CNTLN: variants seen among roughly 807,000 people sequenced by gnomAD.
The protein encoded by CNTLN is centlein, centrosomal protein.
CNTLN carries 212 observed loss-of-function variants against 180.0 expected under a neutral mutation model. The ratio of observed to expected loss-of-function variants is 1.18; its 90% CI spans 1.05 to 1.32. The LOEUF (loss-of-function observed/expected upper bound fraction) is 1.32. Ranked by LOEUF, CNTLN falls within the 40% of genes most tolerant of loss-of-function variation. The probability of loss-of-function intolerance (pLI) is 0.00; values close to 1 mark genes in which losing one functional copy is unlikely to be tolerated. For missense variants in CNTLN, 2,095 were observed against 1,610.9 expected (o/e 1.30, Z -5.14); for synonymous variants, 722 against 563.1 (o/e 1.28, Z -3.99).
At chr9:17,338,549 T>C (rs1821233362) in intron 10 of CNTLN, among the ~76,000 whole-genome samples, 1 of 151,806 alleles carries the variant, frequency 6.6e-6, no homozygotes, top group South Asian at 2.1e-4. Flanking sequence ...TTTTCTAGTT[T>C]TTAAGCAATC....
intron 13 of CNTLN, among the ~76,000 whole-genome samples, chr9:17,373,336 A>G (rs918739915): frequency 1.3e-5 from 2 of 152,202 alleles, no homozygotes; most frequent in Non-Finnish European, 2.9e-5. Context: ...CCAACAGCAA[A>G]CAATCTGAAA....
chr9:17,508,974 C>G, the CNTLN span, among the ~76,000 whole-genome samples: 5 of 152,184 alleles, frequency 3.3e-5, no homozygotes, highest in African/African-American at 1.2e-4. Flanking sequence ...CCATGTCATG[C>G]TCACCAAAGG....
intron 5 of CNTLN, among the ~76,000 whole-genome samples, chr9:17,268,720 C>G (rs973809126): frequency 6.6e-6 from 1 of 152,134 alleles, no homozygotes; most frequent in Non-Finnish European, 1.5e-5. Flanking sequence ...GCTTTGTTTA[C>G]CTAATCAAGC....
intron 13 of CNTLN, among the ~76,000 whole-genome samples, chr9:17,384,179 A>G (rs1297830136): frequency 6.6e-6 from 1 of 152,040 alleles, no homozygotes; most frequent in Non-Finnish European, 1.5e-5. Flanking sequence ...AATTCCCCTG[A>G]TTCATCCAGC....
intron 12 of CNTLN, among the ~76,000 whole-genome samples, chr9:17,347,065 T>C (rs1821957033): frequency 6.6e-6 from 1 of 152,186 alleles, no homozygotes; most frequent in Non-Finnish European, 1.5e-5. Context: ...TCCATTGGGT[T>C]CTTCTTTATG....
intron 5 of CNTLN, among the ~76,000 whole-genome samples, chr9:17,243,078 A>G (rs369550334): frequency 6.6e-6 from 1 of 152,268 alleles, no homozygotes; most frequent in East Asian, 1.9e-4. Context: ...GTATGTGTCT[A>G]TGAATTTGTC....
At chr9:17,365,399 T>C (rs987787132) in intron 12 of CNTLN, among the ~76,000 whole-genome samples, 11 of 152,156 alleles carry the variant, frequency 7.2e-5, no homozygotes, top group African/African-American at 2.7e-4. Flanking sequence ...GAACCTCTTT[T>C]CTTTATAAAT....
intron 2 of CNTLN, among the ~76,000 whole-genome samples, chr9:17,154,384 ACAGT>A (rs1384796176): frequency 3.3e-5 from 5 of 152,086 alleles, no homozygotes; most frequent in Admixed American, 6.6e-5. Context: ...TTTCCTTCTG[ACAGT>A]CAGGCCCCTC....
intron 24 of CNTLN, among the ~76,000 whole-genome samples, chr9:17,484,797 A>T (rs1278286990): frequency 6.6e-6 from 1 of 152,094 alleles, no homozygotes; most frequent in Non-Finnish European, 1.5e-5. Flanking sequence ...CAGTATACTT[A>T]ATTAAGCTAG....
At chr9:17,376,017 GC>G (rs1824729228) in intron 13 of CNTLN, among the ~76,000 whole-genome samples, 1 of 152,148 alleles carries the variant, frequency 6.6e-6, no homozygotes, top group African/African-American at 2.4e-5. Context: ...CCTTCACTTG[GC>G]TTTTGTCCCA....
At chr9:17,177,425 T>G (rs748002826) in intron 2 of CNTLN, among the ~76,000 whole-genome samples, 53 of 152,110 alleles carry the variant, frequency 3.5e-4, no homozygotes, top group Non-Finnish European at 6.0e-4. Flanking sequence ...AAAAAAATTA[T>G]TTTCAGTTTC....
rs200873736 is a variant in CNTLN at position 17,357,595 on chromosome 9, A to ATAT, written c.1887-9022_1887-9021insTAT. On this transcript the variant is annotated intron_variant, in intron 12 of 25. Transcript: ENST00000380647. ...TAAATACTACATATATATATATATA[A>ATAT]ATACTACATATATATATAAATACTA... is the stretch of plus-strand genomic sequence containing the variant. 1.4e-3 allele frequency among the ~76,000 whole-genome samples: 116 copies of ATAT among 84,372 alleles called. No individual in the cohort carries two copies. In the East Asian group the frequency reaches 0.02, roughly 15 times the overall value. 55.4% of individuals were successfully genotyped at this position (84,372 alleles called of 152,430 possible). A position where few individuals can be genotyped will look rare whatever the true frequency, so the allele number is the denominator to read the frequency against.
intron 19 of CNTLN, among the ~76,000 whole-genome samples, chr9:17,461,807 T>A (rs938910579): frequency 5.9e-5 from 9 of 151,610 alleles, no homozygotes; most frequent in Non-Finnish European, 1.2e-4. Context: ...AATGTGAGTA[T>A]GTCAACACTA....
Position 17,332,672 on chromosome 9 carries a change from A to C in CNTLN, c.1586A>C (p.Gln529Pro), listed in dbSNP as rs765210937. 2 of 1,608,658 alleles carry C rather than the reference A, an allele frequency of 1.2e-6. No homozygotes were observed. Among genetic ancestry groups the C allele is most frequent in the African/African-American group, 2.7e-5 (2 of 74,702 alleles). The change falls in exon 10 of 26, where the codon CAG becomes CCG. Residue 529 changes from glutamine to proline, a missense_variant. By Grantham distance (76) the Gln-to-Pro change is moderately conservative (BLOSUM62 -1). Coordinates refer to ENST00000380647, the MANE Select transcript of CNTLN (RefSeq NM_017738.4). The part of the protein sequence containing the change: ...KSSFTDSEEL[Q>P]KLRKAERKIE... ...TCTTTCACAGACTCAGAAGAGCTAC[A>C]GAAGCTGAGAAAAGCTGAAAGAAAG...
At chr9:17,460,679 CT>C (rs1297656167) in intron 19 of CNTLN, among the ~76,000 whole-genome samples, 1 of 151,648 alleles carries the variant, frequency 6.6e-6, no homozygotes, top group Non-Finnish European at 1.5e-5. Context: ...TTATAAATTG[CT>C]TTTCTCTCAA....
intron 18 of CNTLN, among the ~76,000 whole-genome samples, chr9:17,437,039 C>T (rs1015478713): frequency 6.6e-6 from 1 of 152,268 alleles, no homozygotes; most frequent in South Asian, 2.1e-4. Context: ...TTGATCTGTG[C>T]GTGACATAGC....
chr9:17,177,326 G>A (rs952684920), intron 2 of CNTLN, among the ~76,000 whole-genome samples: 1 of 152,020 alleles, frequency 6.6e-6, no homozygotes, highest in African/African-American at 2.4e-5. Flanking sequence ...GGAGAATGGC[G>A]TGAACCCGGG....
chr9:17,279,109 C>A (rs1828501607), intron 6 of CNTLN, among the ~76,000 whole-genome samples: 1 of 151,916 alleles, frequency 6.6e-6, no homozygotes, highest in African/African-American at 2.4e-5. Context: ...TTTTAAACTA[C>A]ATTTCATCTG....
intron 2 of CNTLN, among the ~76,000 whole-genome samples, chr9:17,202,739 A>G (rs1822636243): frequency 7.0e-6 from 1 of 142,638 alleles, no homozygotes; most frequent in Non-Finnish European, 1.5e-5. Flanking sequence ...GTATTTGACC[A>G]TGTGATGGGT....
Sources: allele counts gnomAD v4.1 joint callset (sites outside exome capture counted in the v4.1 genomes callset), GRCh38; gene constraint gnomAD v4.1.1; transcripts MANE v1.5; gene names NCBI Gene and HGNC (gene_info 2026-07-23, HGNC 2026-07-21).